Variants in FILIP1L observed in about 807,000 individuals in gnomAD.
FILIP1L encodes filamin A interacting protein 1 like.
FILIP1L carries 55 observed loss-of-function variants against 96.6 expected under a neutral mutation model. The observed-to-expected ratio is 0.57, with a 90% CI of 0.46 to 0.71. The LOEUF is 0.71. FILIP1L is among the 30% of genes least tolerant of loss of function. The pLI, the probability that FILIP1L is intolerant of heterozygous loss-of-function variation, is 0.00. For missense variants in FILIP1L, 1,304 were observed against 1,321.2 expected (o/e 0.99, Z 0.20); for synonymous variants, 467 against 473.9 (o/e 0.99, Z 0.19).
intron 4 of FILIP1L, among the ~76,000 whole-genome samples, chr3:99,856,687 C>A (rs981020951): frequency 2.0e-5 from 3 of 152,170 alleles, no homozygotes; most frequent in Non-Finnish European, 2.9e-5. Flanking sequence ...TCACATCTGT[C>A]ATCTTCAGTA....
At chr3:99,861,197 C>CA (rs1337087767) in intron 4 of FILIP1L, among the ~76,000 whole-genome samples, 1 of 151,802 alleles carries the variant, frequency 6.6e-6, no homozygotes, top group Non-Finnish European at 1.5e-5. Context: ...CCCGCCCTCC[C>CA]AAAAAAAATT....
chr3:100,070,565 T>G (rs937730433), intron 1 of FILIP1L, among the ~76,000 whole-genome samples: 9 of 152,236 alleles, frequency 5.9e-5, no homozygotes, highest in Admixed American at 3.9e-4. Flanking sequence ...AATAAGATAC[T>G]GCCCATCCCC....
chr3:100,087,426 C>T (rs6762871), intron 1 of FILIP1L, among the ~76,000 whole-genome samples: 1,798 of 152,182 alleles, frequency 0.012, 23 homozygotes, highest in African/African-American at 0.026. Context: ...TTTTGTTTTT[C>T]TGGTCATTCT....
intron 4 of FILIP1L, among the ~76,000 whole-genome samples, chr3:99,922,684 G>T (rs542298672): frequency 6.6e-6 from 1 of 152,284 alleles, no homozygotes; most frequent in Admixed American, 6.5e-5. Flanking sequence ...AATAGAGAGG[G>T]TTAATTGTCC....
chr3:100,037,110 G>T (rs79869201), intron 1 of FILIP1L, among the ~76,000 whole-genome samples: 3,654 of 151,654 alleles, frequency 0.024, 119 homozygotes, highest in Admixed American at 0.084. Context: ...AACAGTATTG[G>T]GACAATTGGT....
intron 1 of FILIP1L, among the ~76,000 whole-genome samples, chr3:100,072,892 G>A (rs1224135620): frequency 6.6e-6 from 1 of 152,128 alleles, no homozygotes; most frequent in Non-Finnish European, 1.5e-5. Context: ...ACTTGTCACT[G>A]AAAACCTCGC....
Position 99,850,782 on chromosome 3 carries a change from C to T in FILIP1L, c.894G>A (p.Gln298=), listed in dbSNP as rs1943650750. The T allele has an allele frequency of 6.2e-7, 1 of 1,614,050 alleles. No individual in the cohort carries two copies. The highest frequency in any genetic ancestry group is 1.7e-5 in the Admixed American group (1 of 60,004). The change falls in exon 5 of 6, where the codon CAG becomes CAA. Residue 298 remains glutamine, a synonymous_variant. Coordinates refer to ENST00000477258, the MANE Select transcript of FILIP1L (RefSeq NM_001387850.1). ...ATRLEKELQT[Q]TTKFHQDQDT... is the part of the protein sequence containing the mutation. ...CTTGGTCTTGGTGAAACTTTGTGGTCTGCGTTTGCAGTTCCTTCTCTAGTC... is the reference window on the plus strand; with the variant it reads ...CTTGGTCTTGGTGAAACTTTGTGGTTTGCGTTTGCAGTTCCTTCTCTAGTC...
At chr3:99,923,062 C>T (rs1202042985) in intron 4 of FILIP1L, among the ~76,000 whole-genome samples, 1 of 151,880 alleles carries the variant, frequency 6.6e-6, no homozygotes, top group Non-Finnish European at 1.5e-5. Context: ...TCATTGCCTT[C>T]TTTGTCTTCT....
intron 1 of FILIP1L, among the ~76,000 whole-genome samples, chr3:100,086,898 A>G (rs1402907138): frequency 6.6e-6 from 1 of 151,820 alleles, no homozygotes; most frequent in Non-Finnish European, 1.5e-5. Context: ...GTAACTACTG[A>G]TTTTTTTTCT....
chr3:99,943,433 G>A (rs1488098464), intron 1 of FILIP1L, among the ~76,000 whole-genome samples: 4 of 152,114 alleles, frequency 2.6e-5, no homozygotes, highest in Admixed American at 1.3e-4. Flanking sequence ...GCCGGGTATG[G>A]TGGCTCATGA....
intron 1 of FILIP1L, among the ~76,000 whole-genome samples, chr3:100,110,956 A>G (rs1165337388): frequency 6.6e-6 from 1 of 152,212 alleles, no homozygotes; most frequent in Non-Finnish European, 1.5e-5. Flanking sequence ...CTAATATACT[A>G]TACTGTTCCT....
At chr3:99,893,842 C>A (rs1026689656) in intron 4 of FILIP1L, among the ~76,000 whole-genome samples, 1 of 152,162 alleles carries the variant, frequency 6.6e-6, no homozygotes, top group Non-Finnish European at 1.5e-5. Context: ...GGTTTTACTT[C>A]CCTCCACCCC....
chr3:99,941,238 G>T (rs1362831717), intron 1 of FILIP1L, among the ~76,000 whole-genome samples: 2 of 151,668 alleles, frequency 1.3e-5, no homozygotes, highest in Non-Finnish European at 2.9e-5. Flanking sequence ...TCAATCTACT[G>T]ATGAAAAAAC....
chr3:99,864,830 A>C (rs1576527176), intron 4 of FILIP1L, among the ~76,000 whole-genome samples: 1 of 152,086 alleles, frequency 6.6e-6, no homozygotes, highest in Non-Finnish European at 1.5e-5. Context: ...ACCATCTGGC[A>C]TACTATATTT....
At chr3:99,970,394 T>C (rs957900259) in intron 1 of FILIP1L, among the ~76,000 whole-genome samples, 1 of 152,208 alleles carries the variant, frequency 6.6e-6, no homozygotes, top group South Asian at 2.1e-4. Flanking sequence ...ATGTAATAAC[T>C]GAGATAAATG....
chr3:99,935,875 TAGA>T (rs1707649692), intron 1 of FILIP1L, among the ~76,000 whole-genome samples: 1 of 152,240 alleles, frequency 6.6e-6, no homozygotes, highest in Non-Finnish European at 1.5e-5. Flanking sequence ...GCAAGAGGAC[TAGA>T]AGAGAGTTTG....
At chr3:100,047,374 A>G in intron 1 of FILIP1L, among the ~76,000 whole-genome samples, 1 of 152,236 alleles carries the variant, frequency 6.6e-6, no homozygotes. Context: ...TCATGCATTT[A>G]AAAATTAATG....
At chr3:99,998,407 T>G (rs1168664093) in intron 1 of FILIP1L, among the ~76,000 whole-genome samples, 1 of 152,206 alleles carries the variant, frequency 6.6e-6, no homozygotes, top group Admixed American at 6.5e-5. Context: ...TACCAACACA[T>G]TCTTTGAGTG....
At chr3:100,037,712 C>G (rs2065131347) in intron 1 of FILIP1L, among the ~76,000 whole-genome samples, 1 of 152,168 alleles carries the variant, frequency 6.6e-6, no homozygotes, top group Admixed American at 6.5e-5. Context: ...ATAAGTTTCT[C>G]TATGCATCTT....
Sources: gnomAD v4.1 joint callset for allele counts (sites outside exome capture counted in the v4.1 genomes callset) on GRCh38, gnomAD v4.1.1 for gene constraint, MANE v1.5 for transcripts, NCBI Gene and HGNC (gene_info 2026-07-23, HGNC 2026-07-21) for gene names.